Variants in NTNG1 observed in about 807,000 individuals in gnomAD.
The protein encoded by NTNG1 is netrin G1, also known as netrin-G1.
In NTNG1, 16 loss-of-function variants were observed where a neutral mutation model predicts 54.0. The observed-to-expected ratio is 0.30, with a 90% CI of 0.20 to 0.45. The LOEUF is 0.45. Among genes scored for constraint, NTNG1 ranks in the 20% least tolerant of loss-of-function variants. The pLI is 1.00. For synonymous variants in NTNG1, 255 were observed against 263.1 expected, an observed-to-expected ratio of 0.97 and a Z score of 0.30; for missense variants, 530 against 678.7, an observed-to-expected ratio of 0.78 and a Z score of 2.43.
chr1:107,334,011 A>G (rs1668434325), intron 3 of NTNG1: 1 of 151,930 alleles, frequency 6.6e-6, no homozygotes, highest in African/African-American at 2.4e-5. Flanking sequence ...AAGTGGTACA[A>G]TCTGGTGTAT....
intron 3 of NTNG1, among the ~76,000 whole-genome samples, chr1:107,372,318 T>A (rs1430492302): frequency 6.6e-6 from 1 of 152,038 alleles, no homozygotes; most frequent in East Asian, 1.9e-4. Flanking sequence ...AATTTAGTGC[T>A]ATAAATTTCC....
chr1:107,269,805 A>G (rs1395270328), intron 2 of NTNG1, among the ~76,000 whole-genome samples: 1 of 152,218 alleles, frequency 6.6e-6, no homozygotes. Context: ...AGTTACTTTT[A>G]GAGATTTTCT....
chr1:107,268,397 A>T (rs1248989065), intron 2 of NTNG1, among the ~76,000 whole-genome samples: 1 of 151,996 alleles, frequency 6.6e-6, no homozygotes, highest in Non-Finnish European at 1.5e-5. Context: ...GGATTGATTG[A>T]CACATTGGAC....
chr1:107,196,643 C>T (rs1259964200), intron 2 of NTNG1, among the ~76,000 whole-genome samples: 3 of 151,898 alleles, frequency 2.0e-5, no homozygotes, highest in Non-Finnish European at 2.9e-5. Flanking sequence ...ATGATGACAA[C>T]ATAACACCCA....
intron 2 of NTNG1, among the ~76,000 whole-genome samples, chr1:107,180,228 C>A (rs10785815): frequency 6.6e-6 from 1 of 152,016 alleles, no homozygotes; most frequent in South Asian, 2.1e-4. Context: ...ATTTTAGATA[C>A]GTATGGAGGT....
At chr1:107,143,239 T>G (rs751887338) in intron 1 of NTNG1, 4 of 152,152 alleles carry the variant, frequency 2.6e-5, no homozygotes, top group African/African-American at 4.8e-5. Context: ...TATTTGAACA[T>G]AAAGCTGGTT....
At position 107,440,785 on chromosome 1, in the gene NTNG1, A is replaced by G. The variant is rs537828584; in HGVS notation, c.1390+3986A>G. ...CAATTATGGGGTTTGAGCTGGGGAC[A>G]TTTTAAAAACTCCAGGCTCATCAGC... On this transcript the variant is annotated intron_variant, in intron 7 of 7. Coordinates refer to ENST00000370068, the MANE Select transcript of NTNG1 (RefSeq NM_001113226.3). Among the ~76,000 whole-genome samples, 9 of 152,188 alleles carry G rather than the reference A, an allele frequency of 5.9e-5. No homozygotes were observed. In the East Asian group the frequency reaches 1.7e-3, roughly 29 times the overall value.
chr1:107,197,210 C>A (rs149325415), intron 2 of NTNG1, among the ~76,000 whole-genome samples: 1 of 151,940 alleles, frequency 6.6e-6, no homozygotes, highest in Non-Finnish European at 1.5e-5. Flanking sequence ...ACAGGAAATG[C>A]GGTCTGATTA....
chr1:107,260,582 C>T (rs1557851018), intron 2 of NTNG1, among the ~76,000 whole-genome samples: 2 of 152,144 alleles, frequency 1.3e-5, no homozygotes, highest in Non-Finnish European at 2.9e-5. Context: ...TCAGGGTCTT[C>T]CACAGCAGTC....
intron 3 of NTNG1, among the ~76,000 whole-genome samples, chr1:107,331,615 G>A (rs561737149): frequency 2.4e-4 from 36 of 152,082 alleles, no homozygotes; most frequent in Non-Finnish European, 3.7e-4. Context: ...ATGTACACCT[G>A]CTTTCAACTA....
At chr1:107,232,481 T>A (rs917556298) in intron 2 of NTNG1, among the ~76,000 whole-genome samples, 2 of 152,210 alleles carry the variant, frequency 1.3e-5, no homozygotes, top group Non-Finnish European at 2.9e-5. Flanking sequence ...GTGCTTATAT[T>A]GCTAACAATT....
At chr1:107,379,119 T>C (rs1037934738) in intron 3 of NTNG1, among the ~76,000 whole-genome samples, 3 of 152,222 alleles carry the variant, frequency 2.0e-5, no homozygotes, top group African/African-American at 4.8e-5. Flanking sequence ...CCACACACTC[T>C]GCATTTGATA....
At chr1:107,351,184 C>G (rs958101309) in intron 3 of NTNG1, among the ~76,000 whole-genome samples, 19 of 152,236 alleles carry the variant, frequency 1.2e-4, no homozygotes, top group African/African-American at 4.6e-4. Context: ...CACAGAGCTA[C>G]TCTTTCTTAG....
chr1:107,159,753 C>G (rs1439095239), intron 2 of NTNG1, among the ~76,000 whole-genome samples: 1 of 152,090 alleles, frequency 6.6e-6, no homozygotes, highest in Non-Finnish European at 1.5e-5. Context: ...ATTTAAAAAG[C>G]CTTTCATCTG....
chr1:107,386,177 T>C (rs1671983237), intron 3 of NTNG1, among the ~76,000 whole-genome samples: 4 of 136,384 alleles, frequency 2.9e-5, no homozygotes, highest in South Asian at 2.3e-4. Context: ...TTTTTTTTTT[T>C]TCTTCCTTTG....
intron 2 of NTNG1, among the ~76,000 whole-genome samples, chr1:107,247,015 G>A (rs190886824): frequency 1.4e-4 from 22 of 152,208 alleles, no homozygotes; most frequent in African/African-American, 5.1e-4. Flanking sequence ...GAAACCCAGC[G>A]GATTCGGAGA....
intron 3 of NTNG1, among the ~76,000 whole-genome samples, chr1:107,376,581 G>A (rs947319160): frequency 1.3e-5 from 2 of 152,134 alleles, no homozygotes; most frequent in African/African-American, 4.8e-5. Context: ...CCACTCTGCC[G>A]TGCCACCTTA....
intron 3 of NTNG1, among the ~76,000 whole-genome samples, chr1:107,363,814 C>T (rs1670430114): frequency 1.3e-5 from 2 of 152,142 alleles, no homozygotes; most frequent in African/African-American, 4.8e-5. Flanking sequence ...TGTATATTTC[C>T]TCAAATATTA....
At chr1:107,170,317 C>A (rs1431516757) in intron 2 of NTNG1, among the ~76,000 whole-genome samples, 1 of 152,004 alleles carries the variant, frequency 6.6e-6, no homozygotes, top group Non-Finnish European at 1.5e-5. Flanking sequence ...TAAGTTATTT[C>A]TTTTTTTCTT....
Sources: allele counts gnomAD v4.1 joint callset (sites outside exome capture counted in the v4.1 genomes callset), GRCh38; gene constraint gnomAD v4.1.1; transcripts MANE v1.5; gene names NCBI Gene and HGNC (gene_info 2026-07-23, HGNC 2026-07-21).